The following GFPT1 variants were observed in gnomAD, a reference collection of about 807,000 sequenced individuals.
The protein encoded by GFPT1 is glutamine--fructose-6-phosphate aminotransferase [isomerizing] 1.
A neutral mutation model predicts 92.0 loss-of-function variants in GFPT1; 40 were observed. The observed-to-expected ratio is 0.43, with a 90% confidence interval of 0.34 to 0.57. The LOEUF (loss-of-function observed/expected upper bound fraction) is 0.57. GFPT1 is among the 20% of genes least tolerant of loss of function. The pLI, the probability that GFPT1 is intolerant of heterozygous loss-of-function variation, is 0.02. For missense variants in GFPT1, 448 were observed against 869.1 expected (o/e 0.52, Z 6.09); for synonymous variants, 269 against 280.6 (o/e 0.96, Z 0.41).
rs1342859338 is a variant in GFPT1, at chr2:69,387,197, G to A, written c.-126C>T. The A allele has an allele frequency of 3.8e-6, 4 of 1,064,340 alleles. No homozygotes were observed. The highest frequency in any genetic ancestry group is 5.2e-6 in the Non-Finnish European group (4 of 768,526). The allele number at this position is 1,064,340 out of a possible 1,614,324, so 65.9% of individuals were successfully genotyped here. On this transcript the variant is annotated 5_prime_UTR_variant, in exon 1 of 20. Transcript: ENST00000357308. ...GGTGGCGCCGACACGACTCCCTCGG[G>A]GATGCGACGGCCAAGGCAACGACAG...
chr2:69,385,223 A>G (rs1469050640), intron 1 of GFPT1, among the ~76,000 whole-genome samples: 1 of 151,984 alleles, frequency 6.6e-6, no homozygotes, highest in African/African-American at 2.4e-5. Flanking sequence ...TTATTTATTT[A>G]TATTTATTTA....
rs538252095 is a variant in GFPT1 at position 69,334,140 on chromosome 2, G to C, written c.1482+3758C>G. Among the ~76,000 whole-genome samples the C allele has an allele frequency of 3.9e-4, 60 of 152,048 alleles. No homozygotes were observed. In the South Asian group the frequency reaches 0.012, roughly 31 times the overall value. On this transcript the variant is annotated intron_variant, in intron 15 of 19. Transcript: ENST00000357308. ...CACTGCACTCCAGCCTGGGCAACAA[G>C]AGCAAAACTCCATCTCAAAATAATA...
At chr2:69,368,881 T>A (rs1330917185) in intron 3 of GFPT1, among the ~76,000 whole-genome samples, 1 of 152,208 alleles carries the variant, frequency 6.6e-6, no homozygotes, top group Admixed American at 6.5e-5. Context: ...TATCATTCCA[T>A]CAACACGCCT....
intron 15 of GFPT1, among the ~76,000 whole-genome samples, chr2:69,332,933 G>A (rs1421643007): frequency 1.3e-5 from 2 of 151,974 alleles, no homozygotes; most frequent in African/African-American, 4.8e-5. Context: ...CATCCCAATA[G>A]TTAAATGAGA....
At position 69,344,816 on chromosome 2, in the gene GFPT1, T is replaced by A. The variant is rs556461305; in HGVS notation, c.1105+1088A>T. 2.9e-3 allele frequency among the ~76,000 whole-genome samples: 434 copies of A among 151,834 alleles called. 4 individuals are homozygous for A. Among genetic ancestry groups the A allele is most frequent in the African/African-American group, 9.9e-3 (411 of 41,390 alleles). On this transcript the variant is annotated intron_variant, in intron 12 of 19. Coordinates refer to ENST00000357308, the MANE Select transcript of GFPT1 (RefSeq NM_001244710.2). ...CCACCACCACACCCAGCTAATTTTT[T>A]AAAAATTTTTAGTAAAAAGGAGGTC...
chr2:69,328,220 C>CA (rs1558726431), intron 18 of GFPT1, 51 bp downstream of exon 18: 1 of 1,380,476 alleles, frequency 7.2e-7, no homozygotes, highest in Non-Finnish European at 1.0e-6. Flanking sequence ...AATAAGCTAG[C>CA]GTAACTCCCC....
intron 4 of GFPT1, among the ~76,000 whole-genome samples, chr2:69,360,441 T>A: frequency 1.1e-5 from 1 of 90,690 alleles, no homozygotes; most frequent in Admixed American, 9.7e-5. Flanking sequence ...ATTATCAAAA[T>A]ATTTTTTTTT....
chr2:69,358,586 T>C, intron 5 of GFPT1, 123 bp from the exon 6 acceptor site: 1 of 716,442 alleles, frequency 1.4e-6, no homozygotes, highest in South Asian at 1.7e-5. Context: ...CCATATCCCA[T>C]TATTCAAAAT....
chr2:69,367,348 TTG>T (rs1671635759), intron 3 of GFPT1, among the ~76,000 whole-genome samples: 3 of 150,922 alleles, frequency 2.0e-5, no homozygotes, highest in Admixed American at 1.3e-4. Flanking sequence ...TTATTTTTTG[TTG>T]TTGTTGTTGT....
rs1671816646 is a variant in GFPT1, at chr2:69,374,163, A to G, written c.8-50T>C. On this transcript the variant is annotated intron_variant, in intron 1 of 19. Coordinates refer to ENST00000357308, the MANE Select transcript of GFPT1 (RefSeq NM_001244710.2). ...AAAAATTCTGATTTAAAAAATCAAA[A>G]TTAGCATAATTATGTCAAGTATGTG... The G allele has an allele frequency of 5.7e-6, 5 of 875,660 alleles. No homozygotes were observed. In the East Asian group the frequency reaches 1.3e-4, roughly 23 times the overall value. The allele number at this position is 875,660 out of a possible 1,614,324, so 54.2% of individuals were successfully genotyped here.
At chr2:69,378,764 T>G (rs1199230187) in intron 1 of GFPT1, among the ~76,000 whole-genome samples, 2 of 152,220 alleles carry the variant, frequency 1.3e-5, no homozygotes, top group Non-Finnish European at 2.9e-5. Context: ...ATTTTATTTT[T>G]ATATATTTTA....
chr2:69,366,474 G>A (rs1331687832), intron 3 of GFPT1, among the ~76,000 whole-genome samples: 2 of 152,098 alleles, frequency 1.3e-5, no homozygotes, highest in African/African-American at 4.8e-5. Flanking sequence ...CTACTGCCAA[G>A]CAATACTGAA....
At chr2:69,358,494 T>G in intron 5 of GFPT1, 31 bp from the exon 6 acceptor site, 1 of 1,445,444 alleles carries the variant, frequency 6.9e-7, no homozygotes, top group South Asian at 1.2e-5. Context: ...AAGATACAAT[T>G]AAAGAAATAT....
At position 69,363,636 on chromosome 2, in the gene GFPT1, A is replaced by G. The variant is rs779887300; in HGVS notation, c.258T>C (p.Asp86=). The G allele has an allele frequency of 8.7e-6, 14 of 1,608,792 alleles. No homozygotes were observed. The highest frequency in any genetic ancestry group is 7.7e-6 in the Non-Finnish European group (9 of 1,175,248). The change falls in exon 4 of 20, where the codon GAT becomes GAC. Residue 86 remains aspartate, a synonymous_variant. Transcript: ENST00000357308. ...QQDMDLDIEF[D]VHLGIAHTRW... is the part of the protein sequence containing the mutation. ...GGGTATGAGCTATTCCAAGGTGTAC[A>G]TCAAATTCTATATCCAAATCCATAT...
intron 3 of GFPT1, among the ~76,000 whole-genome samples, chr2:69,366,580 A>G (rs2104672431): frequency 6.6e-6 from 1 of 152,338 alleles, no homozygotes; most frequent in South Asian, 2.1e-4. Flanking sequence ...TTCCTTATTC[A>G]TTAAACTGAT....
chr2:69,350,279 T>C (rs1671173722), intron 9 of GFPT1, 96 bp from the exon 10 acceptor site: 2 of 843,206 alleles, frequency 2.4e-6, no homozygotes, highest in South Asian at 1.5e-5. Context: ...GAAAAAATCA[T>C]AGCAACACAA....
Position 69,337,987 on chromosome 2 carries a change from T to G in GFPT1, c.1393A>C (p.Thr465Pro). Reference sequence around the variant, plus strand: ...GATATGGAACTGCCAACTGTGTTTGTGATCCCCACAGTTAAAGCTCCTCTC... The same window carrying G: ...GATATGGAACTGCCAACTGTGTTTGGGATCCCCACAGTTAAAGCTCCTCTC... ...KERGALTVGI[T>P]NTVGSSISRE... Residue 465 changes from threonine (T) to proline (P), a missense_variant, in exon 15 of 20, where the codon ACA becomes CCA. By Grantham distance (38) the Thr-to-Pro change is conservative. Around this residue, in one of 7 missense-constraint regions of GFPT1, gnomAD observed 121 missense variants for 304.3 expected, o/e 0.40. Transcript: ENST00000357308. The G allele has an allele frequency of 6.2e-7, 1 of 1,613,940 alleles. No individual in the cohort carries two copies. The highest frequency in any genetic ancestry group is 8.5e-7 in the Non-Finnish European group (1 of 1,179,814).
In GFPT1 at chr2:69,325,392, C is replaced by CTTTTTTTT. The variant is rs1670503936; in HGVS notation, c.*796_*797insAAAAAAAA. 1 of 152,112 alleles carries CTTTTTTTT rather than the reference C, an allele frequency of 6.6e-6. No homozygotes were observed. Among genetic ancestry groups the CTTTTTTTT allele is most frequent in the Non-Finnish European group, 1.5e-5 (1 of 67,986 alleles). The allele number at this position is 152,112 out of a possible 1,614,324, so 9.4% of individuals were successfully genotyped here. A position where few individuals can be genotyped will look rare whatever the true frequency, so the allele number is the denominator to read the frequency against. Reference sequence around the variant, plus strand: ...TACAGATACAAGGAAATAAAAACCACTTTTAGGAGATGAAAACACAAAGTA... The same window carrying CTTTTTTTT: ...TACAGATACAAGGAAATAAAAACCACTTTTTTTTTTTTAGGAGATGAAAACACAAAGTA... On this transcript the variant is annotated 3_prime_UTR_variant, in exon 20 of 20. Transcript: ENST00000357308.
chr2:69,380,335 C>T (rs541647411), intron 1 of GFPT1, among the ~76,000 whole-genome samples: 1 of 152,184 alleles, frequency 6.6e-6, no homozygotes, highest in African/African-American at 2.4e-5. Context: ...CAGTGAGACT[C>T]TGTCTCAAAA....
Sources: allele counts gnomAD v4.1 joint callset (sites outside exome capture counted in the v4.1 genomes callset), GRCh38; gene constraint gnomAD v4.1.1; regional missense constraint gnomAD v4.1.1; transcripts MANE v1.5; gene names NCBI Gene and HGNC (gene_info 2026-07-23, HGNC 2026-07-21).